COL27A1: variants seen among roughly 807,000 people sequenced by gnomAD.
COL27A1 encodes collagen alpha-1(XXVII) chain.
A neutral mutation model predicts 251.3 loss-of-function variants in COL27A1; 106 were observed. The observed-to-expected ratio is 0.42, with a 90% CI of 0.36 to 0.50. The LOEUF (loss-of-function observed/expected upper bound fraction) is 0.50. COL27A1 is among the 20% of genes least tolerant of loss of function. COL27A1 has a pLI of 0.00. For synonymous variants in COL27A1, 1,000 were observed against 986.3 expected (o/e 1.01, Z -0.26); for missense variants, 2,325 against 2,522.8 (o/e 0.92, Z 1.68).
At chr9:114,310,168 C>T (rs563183123) in intron 60 of COL27A1, among the ~76,000 whole-genome samples, 14 of 152,080 alleles carry the variant, frequency 9.2e-5, no homozygotes, top group African/African-American at 2.7e-4. Context: ...CATTGGGTAC[C>T]GTGTACACTA....
At chr9:114,196,119 AG>A (rs1829104522) in intron 7 of COL27A1, 107 bp downstream of exon 7, 2 of 970,526 alleles carry the variant, frequency 2.1e-6, no homozygotes, top group African/African-American at 3.2e-5. Context: ...GCCCCAGCCC[AG>A]CTCCCCTGGG....
chr9:114,300,005 A>G (rs1427596603), intron 49 of COL27A1, 65 bp from the exon 50 acceptor site: 1 of 1,526,748 alleles, frequency 6.5e-7, no homozygotes, highest in Non-Finnish European at 9.1e-7. Flanking sequence ...CTGAGGTCCC[A>G]GGTGGCTGGC....
chr9:114,209,837 GTGC>G, intron 11 of COL27A1, 109 bp downstream of exon 11: 1 of 1,020,140 alleles, frequency 9.8e-7, no homozygotes, highest in East Asian at 2.4e-5. Context: ...CCTGGAGGAG[GTGC>G]ACTTGAGTCG....
Position 114,168,844 on chromosome 9 carries a change from C to A in COL27A1, c.1289C>A (p.Pro430Gln), listed in dbSNP as rs193166789. The A allele has an allele frequency of 6.2e-7, 1 of 1,613,852 alleles. No individual in the cohort carries two copies. Among genetic ancestry groups the A allele is most frequent in the African/African-American group, 1.3e-5 (1 of 74,882 alleles). Residue 430 changes from proline to glutamine, a missense_variant, in exon 3 of 61, where the codon CCG (proline) becomes CAG (glutamine). Physicochemically the swap from Pro to Gln is moderately conservative, Grantham distance 76 (BLOSUM62 -1). Transcript: ENST00000356083. ...GCAGAGAAGCCCATCCAGAGGAACCCGGGAATGCCCAGGCCCCCACCGCCC... is the reference window on the plus strand; with the variant it reads ...GCAGAGAAGCCCATCCAGAGGAACCAGGGAATGCCCAGGCCCCCACCGCCC... Reference protein sequence around the residue: ...RPAEKPIQRNPGMPRPPPPST... With the variant: ...RPAEKPIQRNQGMPRPPPPST...
At chr9:114,259,356 C>T (rs768600596) in intron 28 of COL27A1, among the ~76,000 whole-genome samples, 33 of 152,190 alleles carry the variant, frequency 2.2e-4, no homozygotes, top group Admixed American at 1.4e-3. Flanking sequence ...TGGAAGTAAT[C>T]GCCAGCACTT....
At position 114,173,842 on chromosome 9, in the gene COL27A1, A is replaced by C. The variant is rs546273158; in HGVS notation, c.1908+4379A>C. Among the ~76,000 whole-genome samples the C allele has an allele frequency of 2.8e-4, 43 of 152,226 alleles. No homozygotes were observed. In the South Asian group the frequency reaches 8.3e-3, roughly 29 times the overall value. The stretch of plus-strand genomic sequence containing the variant: ...ACTGGGAGGGTCTGGACATAGTCTC[A>C]CATTTGCTTGGAGAACTGTGCTATG... On this transcript the variant is annotated intron_variant, in intron 3 of 60. Coordinates refer to ENST00000356083, the MANE Select transcript of COL27A1 (RefSeq NM_032888.4).
chr9:114,300,187 A>T, intron 50 of COL27A1, 64 bp downstream of exon 50: 1 of 1,496,808 alleles, frequency 6.7e-7, no homozygotes, highest in South Asian at 1.1e-5. Flanking sequence ...TCATTCATTT[A>T]TTCATTCAAC....
intron 28 of COL27A1, among the ~76,000 whole-genome samples, chr9:114,262,764 G>A (rs140704648): frequency 1.3e-3 from 196 of 152,324 alleles, no homozygotes; most frequent in Non-Finnish European, 2.3e-3. Context: ...TGAGGACAGC[G>A]TCTCCCAGCT....
intron 4 of COL27A1, among the ~76,000 whole-genome samples, chr9:114,181,990 T>G (rs571303554): frequency 5.9e-5 from 9 of 151,956 alleles, no homozygotes; most frequent in Non-Finnish European, 1.3e-4. Context: ...GCACCTTTGT[T>G]CACAAGAGGT....
intron 3 of COL27A1, among the ~76,000 whole-genome samples, chr9:114,176,695 G>T (rs1449327639): frequency 6.6e-6 from 1 of 152,118 alleles, no homozygotes; most frequent in Non-Finnish European, 1.5e-5. Flanking sequence ...GAACTCTGCC[G>T]CCAATTTGGC....
At chr9:114,204,195 G>A (rs960164702) in intron 7 of COL27A1, among the ~76,000 whole-genome samples, 7 of 152,108 alleles carry the variant, frequency 4.6e-5, no homozygotes, top group African/African-American at 1.7e-4. Flanking sequence ...TTCAGAGAAG[G>A]GTAGGAACCC....
At chr9:114,299,189 C>A (rs1828446695) in intron 49 of COL27A1, among the ~76,000 whole-genome samples, 1 of 152,234 alleles carries the variant, frequency 6.6e-6, no homozygotes, top group South Asian at 2.1e-4. Flanking sequence ...TTGCATCCTT[C>A]CAGCCCCTTG....
Position 114,167,890 on chromosome 9 carries a change from C to T in COL27A1, c.335C>T (p.Ala112Val). ...CTCTGCTCCCACCGGGTGAACCATGCCTTCCTCTTCGCTGTCCGCAGCCAG... is the reference window on the plus strand; with the variant it reads ...CTCTGCTCCCACCGGGTGAACCATGTCTTCCTCTTCGCTGTCCGCAGCCAG... ...LSLCSHRVNH[A>V]FLFAVRSQKR... is the part of the protein sequence containing the mutation. The change falls in exon 3 of 61, where the codon GCC (alanine) becomes GTC (valine). Residue 112 changes from alanine to valine, a missense_variant. By Grantham distance (64) the Ala-to-Val change is moderately conservative (BLOSUM62 0). Transcript: ENST00000356083. The T allele has an allele frequency of 2.5e-6, 4 of 1,613,160 alleles. No individual in the cohort carries two copies. The highest frequency in any genetic ancestry group is 2.2e-5 in the South Asian group (2 of 91,064).
intron 7 of COL27A1, among the ~76,000 whole-genome samples, chr9:114,199,793 C>T (rs966641076): frequency 2.6e-5 from 4 of 152,164 alleles, no homozygotes; most frequent in Non-Finnish European, 5.9e-5. Context: ...TGGGGCTTAG[C>T]GCAGTGCTGA....
At chr9:114,284,808 A>G in intron 41 of COL27A1, 31 bp downstream of exon 41, 1 of 1,613,198 alleles carries the variant, frequency 6.2e-7, no homozygotes, top group Non-Finnish European at 8.5e-7. Flanking sequence ...AAGCAGCTGC[A>G]CCCTCGTGTC....
At position 114,263,206 on chromosome 9, in the gene COL27A1, G is replaced by A. The variant is rs184889149; in HGVS notation, c.3196-1149G>A. Among the ~76,000 whole-genome samples, 559 of 152,228 alleles carry A rather than the reference G, an allele frequency of 3.7e-3. 6 individuals carry two copies. Among genetic ancestry groups the A allele is most frequent in the African/African-American group, 0.012 (512 of 41,534 alleles). On this transcript the variant is annotated intron_variant, in intron 28 of 60. Transcript: ENST00000356083. The stretch of plus-strand genomic sequence containing the variant: ...CCCACCTCATCCTCCCAAAGTGCTG[G>A]GATTACAGGCGTGAGCCACTGTGCC...
At chr9:114,301,948 C>A (rs1828676928) in intron 55 of COL27A1, 134 bp from the exon 56 acceptor site, 5 of 1,033,040 alleles carry the variant, frequency 4.8e-6, no homozygotes, top group Non-Finnish European at 7.4e-6. Context: ...CTGGGGCCCA[C>A]CAAGCCTCCG....
chr9:114,284,890 G>C (rs1827350642), intron 41 of COL27A1, 113 bp downstream of exon 41: 2 of 1,163,444 alleles, frequency 1.7e-6, no homozygotes, highest in Admixed American at 1.8e-5. Context: ...AAGCCTGTGG[G>C]GGCTCACCCC....
At chr9:114,277,659 C>G (rs1835594807) in intron 37 of COL27A1, among the ~76,000 whole-genome samples, 2 of 152,206 alleles carry the variant, frequency 1.3e-5, no homozygotes, top group African/African-American at 4.8e-5. Flanking sequence ...AGGCTTCCCC[C>G]AGGCTTGACT....
Sources: allele counts gnomAD v4.1 joint callset (sites outside exome capture counted in the v4.1 genomes callset), GRCh38; gene constraint gnomAD v4.1.1; transcripts MANE v1.5; gene names NCBI Gene and HGNC (gene_info 2026-07-23, HGNC 2026-07-21).